Variants in RAB6A observed in about 807,000 individuals in gnomAD.
RAB6A encodes RAB6A, member RAS oncogene family.
RAB6A carries 8 observed loss-of-function variants against 32.3 expected under a neutral mutation model. The observed-to-expected ratio is 0.25, with a 90% confidence interval of 0.15 to 0.45. RAB6A has a LOEUF of 0.45. Among genes scored for constraint, RAB6A ranks in the 20% least tolerant of loss-of-function variants. RAB6A has a pLI of 1.00. For synonymous variants in RAB6A, 73 were observed against 82.1 expected, an observed-to-expected ratio of 0.89 and a Z score of 0.60; for missense variants, 104 against 249.4, an observed-to-expected ratio of 0.42 and a Z score of 3.93.
At chr11:73,693,175 C>A (rs1013585054) in intron 6 of RAB6A, among the ~76,000 whole-genome samples, 11 of 152,104 alleles carry the variant, frequency 7.2e-5, no homozygotes, top group African/African-American at 2.7e-4. Context: ...GTAATCCCAG[C>A]TACTCAGTAG....
intron 1 of RAB6A, among the ~76,000 whole-genome samples, chr11:73,757,845 C>T (rs569321466): frequency 2.2e-4 from 33 of 152,174 alleles, no homozygotes; most frequent in Non-Finnish European, 4.1e-4. Flanking sequence ...AGCCATCATT[C>T]ATTTACCCAA....
intron 6 of RAB6A, among the ~76,000 whole-genome samples, chr11:73,684,626 C>T (rs560134745): frequency 2.6e-4 from 40 of 152,228 alleles, no homozygotes; most frequent in Non-Finnish European, 4.6e-4. Flanking sequence ...GCAGTATCTC[C>T]GAGGTACACC....
intron 2 of RAB6A, among the ~76,000 whole-genome samples, chr11:73,728,439 A>T (rs1946254677): frequency 6.6e-6 from 1 of 151,912 alleles, no homozygotes; most frequent in Admixed American, 6.6e-5. Context: ...TTATTCAAAT[A>T]ATGTATTATG....
intron 6 of RAB6A, 107 bp downstream of exon 6, chr11:73,707,313 T>G: frequency 1.4e-6 from 1 of 722,216 alleles, no homozygotes; most frequent in Non-Finnish European, 2.3e-6. Flanking sequence ...ACTGCTAGTT[T>G]GTAAGGCCTG....
chr11:73,724,010 AG>A (rs1252697361), intron 2 of RAB6A, among the ~76,000 whole-genome samples: 1 of 152,236 alleles, frequency 6.6e-6, no homozygotes, highest in African/African-American at 2.4e-5. Context: ...ATTCCTGTAC[AG>A]CAAATATTTC....
In RAB6A at chr11:73,686,181, A is replaced by T. The variant is rs115927882; in HGVS notation, c.496-6461T>A. ...GGAATATCTAGAAATTGTCCTCATA[A>T]TATTACAACTTGCTTCTGACATGAA... is the stretch of plus-strand genomic sequence containing the variant. On this transcript the variant is annotated intron_variant, in intron 6 of 7. Coordinates refer to ENST00000336083, the MANE Select transcript of RAB6A (RefSeq NM_198896.2). 5.3e-3 allele frequency among the ~76,000 whole-genome samples: 812 copies of T among 152,276 alleles called. 8 individuals are homozygous for T. The highest frequency in any genetic ancestry group is 0.018 in the African/African-American group (740 of 41,560).
In RAB6A at chr11:73,730,795, G is replaced by A. The variant is rs142720463; in HGVS notation, c.99C>T (p.Phe33=). ...AGGTGTTGTCAAAACTGTCATACAT[G>A]AATCTGGTGATCAAAGATGTCTTTC... ...SVGKTSLITR[F]MYDSFDNTYQ... Residue 33 remains phenylalanine, a synonymous_variant, in exon 2 of 8, where the codon TTC becomes TTT. Transcript: ENST00000336083. The A allele has an allele frequency of 3.7e-6, 6 of 1,600,154 alleles. No individual in the cohort carries two copies. Among genetic ancestry groups the A allele is most frequent in the Non-Finnish European group, 5.1e-6 (6 of 1,176,236 alleles).
At chr11:73,682,875 A>G (rs1322457609) in intron 6 of RAB6A, among the ~76,000 whole-genome samples, 1 of 152,146 alleles carries the variant, frequency 6.6e-6, no homozygotes, top group African/African-American at 2.4e-5. Context: ...AGGTTAGGCA[A>G]TCCTGATCTT....
intron 1 of RAB6A, among the ~76,000 whole-genome samples, chr11:73,753,903 AAAGT>A (rs775058818): frequency 1.4e-4 from 21 of 152,170 alleles, no homozygotes; most frequent in Non-Finnish European, 3.1e-4. Context: ...AAATTCCTTA[AAAGT>A]AAGCACTACC....
chr11:73,753,702 T>A (rs1946703292), intron 1 of RAB6A, among the ~76,000 whole-genome samples: 1 of 151,054 alleles, frequency 6.6e-6, no homozygotes, highest in Non-Finnish European at 1.5e-5. Flanking sequence ...CTGAGCGAGA[T>A]TCCGTCTGAA....
chr11:73,682,735 C>A (rs978232779), intron 6 of RAB6A, among the ~76,000 whole-genome samples: 1 of 152,140 alleles, frequency 6.6e-6, no homozygotes, highest in Admixed American at 6.6e-5. Context: ...ATGATCATAG[C>A]TCACTGCAGC....
intron 1 of RAB6A, among the ~76,000 whole-genome samples, chr11:73,732,714 T>G (rs1025938179): frequency 1.3e-5 from 2 of 151,980 alleles, no homozygotes; most frequent in African/African-American, 4.8e-5. Flanking sequence ...GAGCTGAGAG[T>G]GCACCACTGT....
chr11:73,682,814 CTAT>C (rs1945381433), intron 6 of RAB6A, among the ~76,000 whole-genome samples: 1 of 152,138 alleles, frequency 6.6e-6, no homozygotes, highest in African/African-American at 2.4e-5. Context: ...CAGATATGAA[CTAT>C]TATACCCCGT....
intron 2 of RAB6A, chr11:73,730,508 C>T: frequency 2.9e-6 from 1 of 345,456 alleles, no homozygotes; most frequent in Non-Finnish European, 5.2e-6. Flanking sequence ...AGAATATCCA[C>T]CATTACTTCT....
intron 3 of RAB6A, among the ~76,000 whole-genome samples, chr11:73,719,547 A>G (rs896471358): frequency 3.9e-5 from 6 of 152,204 alleles, no homozygotes; most frequent in Admixed American, 3.3e-4. Flanking sequence ...TATCTATATT[A>G]CAGGAAGAAA....
At chr11:73,711,091 G>T (rs1048214316) in intron 5 of RAB6A, among the ~76,000 whole-genome samples, 1 of 152,080 alleles carries the variant, frequency 6.6e-6, no homozygotes, top group Non-Finnish European at 1.5e-5. Context: ...TTACCACCTG[G>T]TATCTCTGAA....
rs1374800653 is a variant in RAB6A, at chr11:73,685,616, C to T, written c.496-5896G>A. Reference sequence around the variant, plus strand: ...AGTAGCGACCAGGTGCGGTGCCTCACGCCTGTAATCCCAGGACTTTGGGAG... The same window carrying T: ...AGTAGCGACCAGGTGCGGTGCCTCATGCCTGTAATCCCAGGACTTTGGGAG... On this transcript the variant is annotated intron_variant, in intron 6 of 7. Coordinates refer to ENST00000336083, the MANE Select transcript of RAB6A (RefSeq NM_198896.2). Among the ~76,000 whole-genome samples the T allele has an allele frequency of 4.8e-4, 4 of 8,250 alleles. No individual in the cohort carries two copies. The East Asian group carries it at 0.027, about 56-fold the overall frequency. 5.4% of individuals were successfully genotyped at this position (8,250 alleles called of 152,430 possible).
At chr11:73,734,758 C>G (rs188143634) in intron 1 of RAB6A, among the ~76,000 whole-genome samples, 3 of 152,184 alleles carry the variant, frequency 2.0e-5, no homozygotes, top group Admixed American at 2.0e-4. Flanking sequence ...TGCCGTGAGG[C>G]CTGGTTCCTA....
At chr11:73,727,230 T>A (rs1946236318) in intron 2 of RAB6A, among the ~76,000 whole-genome samples, 1 of 152,026 alleles carries the variant, frequency 6.6e-6, no homozygotes, top group African/African-American at 2.4e-5. Context: ...GTACAAGACT[T>A]AGGCAAGATG....
Sources: gnomAD v4.1 joint callset for allele counts (sites outside exome capture counted in the v4.1 genomes callset) on GRCh38, gnomAD v4.1.1 for gene constraint, MANE v1.5 for transcripts, NCBI Gene and HGNC (gene_info 2026-07-23, HGNC 2026-07-21) for gene names.